Variants in PEAK1 observed in about 807,000 individuals in gnomAD.
The protein encoded by PEAK1 is inactive tyrosine-protein kinase PEAK1.
PEAK1 carries 54 observed loss-of-function variants against 124.7 expected under a neutral mutation model. That is an observed-to-expected ratio of 0.43 (90% CI 0.35 to 0.54). The LOEUF is 0.54. PEAK1 is among the 20% of genes least tolerant of loss of function. The probability of loss-of-function intolerance (pLI) is 0.01; values close to 1 mark genes in which losing one functional copy is unlikely to be tolerated. For synonymous variants in PEAK1, 719 were observed against 760.0 expected, an observed-to-expected ratio of 0.95 and a Z score of 0.89; for missense variants, 2,046 against 2,134.5, an observed-to-expected ratio of 0.96 and a Z score of 0.82.
At chr15:77,175,879 T>A (rs1344380347) in intron 7 of PEAK1, among the ~76,000 whole-genome samples, 3 of 152,074 alleles carry the variant, frequency 2.0e-5, no homozygotes, top group African/African-American at 7.2e-5. Context: ...ATAGACTGGA[T>A]TAAGAAAATG....
At chr15:77,175,336 T>C in intron 7 of PEAK1, among the ~76,000 whole-genome samples, 1 of 151,298 alleles carries the variant, frequency 6.6e-6, no homozygotes, top group Non-Finnish European at 1.5e-5. Context: ...TGGGAGAAAA[T>C]TTTCACAACC....
At chr15:77,359,658 C>T (rs1411254119) in intron 2 of PEAK1, among the ~76,000 whole-genome samples, 1 of 151,516 alleles carries the variant, frequency 6.6e-6, no homozygotes, top group African/African-American at 2.4e-5. Context: ...ATGAATAATC[C>T]AAAAATGAAA....
At chr15:77,297,757 CA>C (rs370114659) in intron 2 of PEAK1, among the ~76,000 whole-genome samples, 182 of 85,400 alleles carry the variant, frequency 2.1e-3, no homozygotes, top group Middle Eastern at 8.8e-3. Flanking sequence ...GATTTTGCCT[CA>C]AAAAAAAAAA....
intron 5 of PEAK1, among the ~76,000 whole-genome samples, chr15:77,264,981 C>T (rs1567186107): frequency 6.6e-6 from 1 of 152,118 alleles, no homozygotes; most frequent in Non-Finnish European, 1.5e-5. Flanking sequence ...CTTTGACAAA[C>T]CTGAGAAAAA....
chr15:77,388,170 G>A (rs2070122496), intron 1 of PEAK1, among the ~76,000 whole-genome samples: 1 of 151,998 alleles, frequency 6.6e-6, no homozygotes, highest in Admixed American at 6.6e-5. Context: ...CTCCAGCCTG[G>A]GCAACAGAGC....
chr15:77,114,709 C>T lies in PEAK1; in HGVS notation c.4688G>A (p.Ser1563Asn). 6.2e-7 allele frequency: 1 copy of T among 1,613,612 alleles called. No individual in the cohort carries two copies. The highest frequency in any genetic ancestry group is 8.5e-7 in the Non-Finnish European group (1 of 1,179,964). The change falls in exon 10 of 10, where the codon AGC (serine) becomes AAC (asparagine). Residue 1563 changes from serine to asparagine, a missense_variant. Coordinates refer to ENST00000682557, the MANE Select transcript of PEAK1 (RefSeq NM_001385026.1). Reference protein sequence around the residue: ...VSNFSQAKQKSHLVDPEILRD... With the variant: ...VSNFSQAKQKNHLVDPEILRD... ...GAGGATCTCGGGGTCCACCAGATGG[C>T]TCTTCTGCTTGGCCTGAGAGAAGTT... is the stretch of plus-strand genomic sequence containing the variant.
intron 2 of PEAK1, among the ~76,000 whole-genome samples, chr15:77,357,433 T>G (rs1248124283): frequency 1.3e-5 from 2 of 152,132 alleles, no homozygotes; most frequent in African/African-American, 4.8e-5. Flanking sequence ...CCATTACAAC[T>G]GGCTAATTTT....
intron 1 of PEAK1, among the ~76,000 whole-genome samples, chr15:77,394,827 C>CA (rs1335314796): frequency 1.3e-5 from 2 of 152,146 alleles, no homozygotes; most frequent in African/African-American, 2.4e-5. Flanking sequence ...CCTGGAGAGA[C>CA]AGAGATAATG....
At position 77,110,856 on chromosome 15, in the gene PEAK1, T is replaced by C. The variant is rs1214048658; in HGVS notation, c.*3300A>G. ...TCTAGGCAACCCAGTAGTGTACATA[T>C]ACCAAAAGGGCTCACCTCAGCCAGC... On this transcript the variant is annotated 3_prime_UTR_variant, in exon 10 of 10. Coordinates refer to ENST00000682557, the MANE Select transcript of PEAK1 (RefSeq NM_001385026.1). The C allele has an allele frequency of 6.6e-6, 1 of 152,248 alleles. No homozygotes were observed. Among genetic ancestry groups the C allele is most frequent in the Non-Finnish European group, 1.5e-5 (1 of 68,042 alleles). 9.4% of individuals were successfully genotyped at this position (152,248 alleles called of 1,614,324 possible). A position where few individuals can be genotyped will look rare whatever the true frequency, so the allele number is the denominator to read the frequency against.
At chr15:77,106,416 T>C (rs1000694336), downstream of PEAK1, 42 of 152,352 alleles carry the variant, frequency 2.8e-4, no homozygotes, top group African/African-American at 9.9e-4. Flanking sequence ...CAGGCTGCAG[T>C]GCAGTGGAGC....
intron 1 of PEAK1, chr15:77,381,243 A>G: frequency 1.0e-6 from 1 of 982,220 alleles, no homozygotes; most frequent in Non-Finnish European, 1.2e-6. Flanking sequence ...ACATGACATA[A>G]TTGATCCTTA....
intron 1 of PEAK1, among the ~76,000 whole-genome samples, chr15:77,373,667 C>T (rs1211059011): frequency 1.3e-5 from 2 of 152,166 alleles, no homozygotes; most frequent in Non-Finnish European, 2.9e-5. Flanking sequence ...TCTTCAAGAT[C>T]GTGATCCAGT....
chr15:77,198,364 T>C (rs550996762), intron 6 of PEAK1, among the ~76,000 whole-genome samples: 18 of 152,194 alleles, frequency 1.2e-4, no homozygotes, highest in Non-Finnish European at 2.4e-4. Flanking sequence ...AAATAACACA[T>C]AGGACCCATA....
At chr15:77,229,136 T>C (rs1418991534) in intron 6 of PEAK1, among the ~76,000 whole-genome samples, 1 of 152,042 alleles carries the variant, frequency 6.6e-6, no homozygotes. Context: ...AGAGATCAGG[T>C]ACCAAGTCCC....
intron 2 of PEAK1, chr15:77,349,377 C>T (rs2067073703): frequency 1.0e-6 from 1 of 983,642 alleles, no homozygotes; most frequent in Admixed American, 6.1e-5. Flanking sequence ...ACTACAAAGA[C>T]ATAAATGTTT....
In PEAK1 at chr15:77,249,729, A is replaced by C. The variant is rs116792873; in HGVS notation, c.-115+2638T>G. Among the ~76,000 whole-genome samples the C allele has an allele frequency of 4.3e-3, 650 of 152,118 alleles. 1 individual carries two copies. The highest frequency in any genetic ancestry group is 0.013 in the African/African-American group (555 of 41,492). On this transcript the variant is annotated intron_variant, in intron 6 of 9. Transcript: ENST00000682557. ...TTTCTTGATAATATTATAATCTTGAAAACAAACTGGTCTTGAACTCCTGAC... is the reference window on the plus strand; with the variant it reads ...TTTCTTGATAATATTATAATCTTGACAACAAACTGGTCTTGAACTCCTGAC...
intron 1 of PEAK1, chr15:77,419,212 A>C (rs1396629001): frequency 7.1e-6 from 7 of 985,156 alleles, no homozygotes; most frequent in Non-Finnish European, 7.2e-6. Flanking sequence ...GCGGGGGAGG[A>C]GGGTCTCTCC....
chr15:77,420,634 A>C (rs2073293005), upstream of PEAK1: 1 of 379,916 alleles, frequency 2.6e-6, no homozygotes, highest in Non-Finnish European at 4.7e-6. Flanking sequence ...TAAAAAAAAA[A>C]AAACTACATC....
intron 1 of PEAK1, among the ~76,000 whole-genome samples, chr15:77,365,951 T>C (rs2068205491): frequency 1.3e-5 from 2 of 152,024 alleles, no homozygotes; most frequent in African/African-American, 2.4e-5. Flanking sequence ...TTATAAAACC[T>C]AAGCAAATAA....
Sources: allele counts gnomAD v4.1 joint callset (sites outside exome capture counted in the v4.1 genomes callset), GRCh38; gene constraint gnomAD v4.1.1; transcripts MANE v1.5; gene names NCBI Gene and HGNC (gene_info 2026-07-23, HGNC 2026-07-21).